The following POLR1D variants were observed in gnomAD, a reference collection of about 807,000 sequenced individuals.
The protein encoded by POLR1D is RNA polymerase I and III subunit D, also known as DNA-directed RNA polymerases I and III subunit RPAC2.
A neutral mutation model predicts 10.8 loss-of-function variants in POLR1D; 8 were observed. That is an observed-to-expected ratio of 0.74 (90% CI 0.43 to 1.33). POLR1D has a LOEUF of 1.33. Among genes scored for constraint, POLR1D ranks in the 40% most tolerant of loss-of-function variants. The pLI is 0.01. For synonymous variants in POLR1D, 54 were observed against 57.2 expected (o/e 0.94, Z 0.25); for missense variants, 152 against 161.7 (o/e 0.94, Z 0.32).
chr13:27,636,424 A>G (rs1956124882), intron 1 of POLR1D, among the ~76,000 whole-genome samples: 1 of 152,148 alleles, frequency 6.6e-6, no homozygotes, highest in Admixed American at 6.5e-5. Flanking sequence ...TTAATAATAT[A>G]GATTGTATTT....
chr13:27,664,231 C>T (rs530177161), intron 2 of POLR1D, among the ~76,000 whole-genome samples: 1 of 152,304 alleles, frequency 6.6e-6, no homozygotes, highest in East Asian at 1.9e-4. Flanking sequence ...ACTACTAAGG[C>T]AGCGTAATGC....
downstream of POLR1D, among the ~76,000 whole-genome samples, chr13:27,624,477 A>C (rs192365285): frequency 6.6e-6 from 1 of 151,226 alleles, no homozygotes; most frequent in African/African-American, 2.5e-5. Context: ...CACTCAGCCA[A>C]ATTCTTTAAA....
chr13:27,648,304 A>G, intron 1 of POLR1D: 1 of 1,012,712 alleles, frequency 9.9e-7, no homozygotes, highest in South Asian at 1.3e-5. Flanking sequence ...TCCCAAGATC[A>G]TGGACCTGGA....
At chr13:27,655,879 C>CA (rs1299179954) in intron 2 of POLR1D, among the ~76,000 whole-genome samples, 1 of 151,096 alleles carries the variant, frequency 6.6e-6, no homozygotes, top group East Asian at 2.0e-4. Context: ...GGAAAGAAAA[C>CA]AAAAAAAAGA....
chr13:27,637,722 A>C (rs1956138412), intron 1 of POLR1D, among the ~76,000 whole-genome samples: 1 of 152,218 alleles, frequency 6.6e-6, no homozygotes, highest in Non-Finnish European at 1.5e-5. Context: ...AATTGGCACC[A>C]GAAAAACAAC....
At chr13:27,622,709 A>G (rs1337577743) in intron 1 of POLR1D, 166 bp from the exon 2 acceptor site, 5 of 605,794 alleles carry the variant, frequency 8.3e-6, no homozygotes, top group East Asian at 2.8e-5. Context: ...TAAATTAAAT[A>G]TTTATTGATA....
At chr13:27,651,419 G>A (rs1397716469) in intron 2 of POLR1D, 1 of 152,138 alleles carries the variant, frequency 6.6e-6, no homozygotes, top group Non-Finnish European at 1.5e-5. Context: ...GGTATTTGAT[G>A]ATATTAAGGA....
At chr13:27,628,314 C>G (rs899939272), downstream of POLR1D, among the ~76,000 whole-genome samples, 17 of 152,162 alleles carry the variant, frequency 1.1e-4, no homozygotes, top group African/African-American at 3.1e-4. Context: ...TATACGGAGG[C>G]ACAGTTTAGG....
rs1956153581 is a variant in POLR1D, at chr13:27,639,156, TTTTTCTTTTGCAGTTTTG to T, written c.27-9217_27-9200del. Reference sequence around the variant, plus strand: ...CCCATCTTTCTAGACTTTAAATCCCTTTTTCTTTTGCAGTTTTGTTTTCATCAGTTTTGTTCTCCAAAG... The same window carrying T: ...CCCATCTTTCTAGACTTTAAATCCCTTTTTCATCAGTTTTGTTCTCCAAAG... On this transcript the variant is annotated intron_variant, in intron 1 of 2. Coordinates refer to the POLR1D transcript ENST00000399697. Among the ~76,000 whole-genome samples the T allele has an allele frequency of 2.6e-5, 4 of 152,324 alleles. No individual in the cohort carries two copies. The South Asian group carries it at 8.3e-4, about 32-fold the overall frequency.
chr13:27,627,803 G>A (rs548478041), downstream of POLR1D, among the ~76,000 whole-genome samples: 1 of 144,114 alleles, frequency 6.9e-6, no homozygotes, highest in South Asian at 2.2e-4. Flanking sequence ...GAAGACAGCA[G>A]TGAACTGGGG....
chr13:27,631,013 A>G (rs990544927), intron 1 of POLR1D, among the ~76,000 whole-genome samples: 4 of 152,184 alleles, frequency 2.6e-5, no homozygotes, highest in African/African-American at 7.2e-5. Flanking sequence ...CTTCCCCTAA[A>G]TCTTCACATG....
chr13:27,654,519 A>T (rs1956292659), intron 2 of POLR1D, among the ~76,000 whole-genome samples: 1 of 152,208 alleles, frequency 6.6e-6, no homozygotes, highest in Non-Finnish European at 1.5e-5. Context: ...CCAGTTATAT[A>T]TTGGCAATGA....
chr13:27,653,835 TG>T (rs1956287186), intron 2 of POLR1D, among the ~76,000 whole-genome samples: 3 of 152,230 alleles, frequency 2.0e-5, no homozygotes, highest in South Asian at 4.1e-4. Flanking sequence ...AGAAGACACC[TG>T]GGTTCTTATA....
intron 1 of POLR1D, among the ~76,000 whole-genome samples, chr13:27,637,986 T>C (rs1265515235): frequency 2.6e-5 from 4 of 152,138 alleles, no homozygotes; most frequent in Non-Finnish European, 5.9e-5. Context: ...TAGAAAATAT[T>C]GTCTACGTAT....
At chr13:27,653,023 C>G (rs754039644) in intron 2 of POLR1D, among the ~76,000 whole-genome samples, 1 of 150,396 alleles carries the variant, frequency 6.6e-6, no homozygotes, top group Admixed American at 6.6e-5. Flanking sequence ...CTCAGCCTCC[C>G]GAGTAGCTGG....
chr13:27,623,036 C>A lies in POLR1D; in HGVS notation c.188C>A (p.Pro63Gln). 6.2e-7 allele frequency: 1 copy of A among 1,613,954 alleles called. No homozygotes were observed. The highest frequency in any genetic ancestry group is 1.7e-5 in the Admixed American group (1 of 60,010). ...NSLRYMIMKN[P>Q]EVEFCGYTTT... ...CTACGTTACATGATCATGAAGAACC[C>A]GGAAGTGGAATTTTGTGGTTACACT... The change falls in exon 2 of 2, where the codon CCG (proline) becomes CAG (glutamine). Residue 63 changes from proline (P) to glutamine (Q), a missense_variant. By Grantham distance (76) the Pro-to-Gln change is moderately conservative. Transcript: ENST00000302979.
chr13:27,646,912 AT>A (rs1455650690), intron 1 of POLR1D, among the ~76,000 whole-genome samples: 2 of 152,224 alleles, frequency 1.3e-5, no homozygotes, highest in African/African-American at 4.8e-5. Context: ...GAAATAAAAC[AT>A]TCTTGTAAAC....
exon 3 of POLR1D, chr13:27,666,195 A>G (rs2138579407): frequency 2.2e-6 from 1 of 463,524 alleles, no homozygotes; most frequent in Non-Finnish European, 3.8e-6. Flanking sequence ...GTAGACTTAC[A>G]TATTGTTGTT....
rs41291680 is a variant in POLR1D at position 27,665,884 on chromosome 13, C to A, written c.300C>A (p.Ser100=). 1.3e-5 allele frequency: 21 copies of A among 1,614,106 alleles called. No individual in the cohort carries two copies. In the African/African-American group the frequency reaches 1.3e-4, roughly 10 times the overall value. ...AGCACAGCTTCCGCGCTCGAGGTTC[C>A]GCCAGTTACTCCCCGCCACGAAAGC... is the stretch of plus-strand genomic sequence containing the variant. The change falls in exon 3 of 3, where the codon TCC becomes TCA. Residue 100 remains serine, a synonymous_variant. Transcript: ENST00000399697.
Sources: gnomAD v4.1 joint callset for allele counts (sites outside exome capture counted in the v4.1 genomes callset) on GRCh38, gnomAD v4.1.1 for gene constraint, MANE v1.5 for transcripts, NCBI Gene and HGNC (gene_info 2026-07-23, HGNC 2026-07-21) for gene names.